The following NCAM2 variants were observed in gnomAD, a reference collection of about 807,000 sequenced individuals.
NCAM2 encodes the protein N-CAM-2.
A neutral mutation model predicts 98.1 loss-of-function variants in NCAM2; 30 were observed. The ratio of observed to expected loss-of-function variants is 0.31; its 90% CI spans 0.23 to 0.41. The LOEUF (loss-of-function observed/expected upper bound fraction) is 0.41. Among genes scored for constraint, NCAM2 ranks in the 10% least tolerant of loss-of-function variants. The pLI is 1.00. For missense variants in NCAM2, 867 were observed against 1,005.8 expected (o/e 0.86, Z 1.87); for synonymous variants, 368 against 342.4 (o/e 1.07, Z -0.83).
Position 21,514,221 on chromosome 21 carries a change from A to C in NCAM2, c.2282+5166A>C, listed in dbSNP as rs150580327. On this transcript the variant is annotated intron_variant, in intron 16 of 17. Transcript: ENST00000400546. Reference sequence around the variant, plus strand: ...CTTTTCTTATTTTTTTAACTGGCAAAATGTTGTCTCTGGGGAGGCTGAGGC... The same window carrying C: ...CTTTTCTTATTTTTTTAACTGGCAACATGTTGTCTCTGGGGAGGCTGAGGC... Among the ~76,000 whole-genome samples the C allele has an allele frequency of 7.5e-3, 1,135 of 151,580 alleles. 4 individuals carry two copies. Among genetic ancestry groups the C allele is most frequent in the Admixed American group, 0.013 (200 of 15,190 alleles).
chr21:21,417,029 A>C (rs2077008559), intron 10 of NCAM2, among the ~76,000 whole-genome samples: 1 of 152,108 alleles, frequency 6.6e-6, no homozygotes, highest in South Asian at 2.1e-4. Context: ...AACAACAACA[A>C]AAAAATGAAT....
intron 14 of NCAM2, among the ~76,000 whole-genome samples, chr21:21,472,024 G>A (rs1157400544): frequency 6.6e-6 from 1 of 151,978 alleles, no homozygotes; most frequent in African/African-American, 2.4e-5. Context: ...AAAAAATCAT[G>A]AAGTTATTTT....
chr21:21,536,637 G>A (rs896005081), intron 17 of NCAM2, among the ~76,000 whole-genome samples: 2 of 151,996 alleles, frequency 1.3e-5, no homozygotes, highest in African/African-American at 4.8e-5. Context: ...TGATCCGCCC[G>A]CCTTGGCCTC....
intron 1 of NCAM2, among the ~76,000 whole-genome samples, chr21:21,068,875 C>T (rs543696656): frequency 1.3e-5 from 2 of 152,190 alleles, no homozygotes; most frequent in East Asian, 3.9e-4. Context: ...TCATACCACC[C>T]ATTATTGCTT....
intron 10 of NCAM2, among the ~76,000 whole-genome samples, chr21:21,415,759 T>G (rs947072652): frequency 2.6e-5 from 4 of 152,316 alleles, no homozygotes; most frequent in Admixed American, 2.0e-4. Flanking sequence ...CCTGCCAGCT[T>G]CAAACTCTTC....
chr21:21,219,359 A>G (rs978702412), intron 1 of NCAM2, among the ~76,000 whole-genome samples: 1 of 152,198 alleles, frequency 6.6e-6, no homozygotes, highest in African/African-American at 2.4e-5. Flanking sequence ...AGTACAACTT[A>G]AATTGTTTCT....
intron 9 of NCAM2, among the ~76,000 whole-genome samples, chr21:21,383,250 C>G (rs2076197536): frequency 6.6e-6 from 1 of 152,108 alleles, no homozygotes. Flanking sequence ...TGACTCAAAC[C>G]TCAAGTGATT....
chr21:21,279,805 G>C (rs1033327284), intron 1 of NCAM2, among the ~76,000 whole-genome samples: 15 of 152,184 alleles, frequency 9.9e-5, no homozygotes, highest in African/African-American at 3.4e-4. Flanking sequence ...ACCTCTTGCA[G>C]CTTTGTCACT....
chr21:21,092,145 T>C (rs2066026480), intron 1 of NCAM2, among the ~76,000 whole-genome samples: 3 of 152,098 alleles, frequency 2.0e-5, no homozygotes, highest in Admixed American at 1.3e-4. Context: ...ATCACAAGGG[T>C]CTGTTTATTG....
At chr21:21,475,969 C>A (rs895530209) in intron 14 of NCAM2, among the ~76,000 whole-genome samples, 2 of 152,110 alleles carry the variant, frequency 1.3e-5, no homozygotes, top group Non-Finnish European at 2.9e-5. Context: ...TTCTTGCCTC[C>A]TTCTGAAGGA....
rs546563282 is a variant in NCAM2, at chr21:21,087,742, G to A, written c.55+89124G>A. ...TTATTGCATAAGGTACTAAGGATGCGTCTCATTTAGATCCTGGTCTTGCAA... is the reference window on the plus strand; with the variant it reads ...TTATTGCATAAGGTACTAAGGATGCATCTCATTTAGATCCTGGTCTTGCAA... On this transcript the variant is annotated intron_variant, in intron 1 of 17. Transcript: ENST00000400546. Among the ~76,000 whole-genome samples, 36 of 152,266 alleles carry A rather than the reference G, an allele frequency of 2.4e-4. No individual in the cohort carries two copies. The South Asian group carries it at 5.6e-3, about 24-fold the overall frequency.
chr21:21,357,023 A>AAATAAATAAATAAATGAATG (rs548233793), intron 8 of NCAM2, among the ~76,000 whole-genome samples: 1 of 146,602 alleles, frequency 6.8e-6, no homozygotes, highest in African/African-American at 2.5e-5. Context: ...ATAAATAAAT[A>AAATAAATAAATAAATGAATG]AATGTTTCTT....
At chr21:21,109,609 T>C (rs1384270474) in intron 1 of NCAM2, among the ~76,000 whole-genome samples, 1 of 152,166 alleles carries the variant, frequency 6.6e-6, no homozygotes. Flanking sequence ...TCCACCAGTT[T>C]TTTCTTTCAT....
chr21:21,045,874 TC>T (rs2064999059), intron 1 of NCAM2, among the ~76,000 whole-genome samples: 2 of 152,208 alleles, frequency 1.3e-5, no homozygotes, highest in Admixed American at 1.3e-4. Context: ...TCAAGACTAT[TC>T]TCTCTGACAT....
intron 10 of NCAM2, among the ~76,000 whole-genome samples, chr21:21,418,126 C>T (rs980284539): frequency 6.6e-6 from 1 of 151,774 alleles, no homozygotes; most frequent in South Asian, 2.1e-4. Flanking sequence ...TAAATATATA[C>T]ACATATATAT....
At chr21:21,200,388 A>C (rs1016822237) in intron 1 of NCAM2, among the ~76,000 whole-genome samples, 1 of 146,838 alleles carries the variant, frequency 6.8e-6, no homozygotes, top group Non-Finnish European at 1.5e-5. Context: ...TGAGAATTCC[A>C]AGTAAGACAA....
In NCAM2 at chr21:21,437,293, A is replaced by C. The variant is rs562597081; in HGVS notation, c.1654+5012A>C. Among the ~76,000 whole-genome samples the C allele has an allele frequency of 4.6e-5, 7 of 152,086 alleles. No homozygotes were observed. In the South Asian group the frequency reaches 1.5e-3, roughly 32 times the overall value. On this transcript the variant is annotated intron_variant, in intron 12 of 17. Transcript: ENST00000400546. ...ATTACCTTGATCAAGAAACCAGAAG[A>C]CTTTACTGTAATTCTTCCACTGGGG... is the stretch of plus-strand genomic sequence containing the variant.
chr21:21,105,103 C>CA (rs1234722479), intron 1 of NCAM2, among the ~76,000 whole-genome samples: 3 of 151,350 alleles, frequency 2.0e-5, no homozygotes, highest in South Asian at 2.1e-4. Flanking sequence ...TTCTGACCCT[C>CA]AAAAAAAATG....
chr21:21,371,828 G>A lies in NCAM2; in HGVS notation c.1045-2035G>A, dbSNP rs188162127. 9.9e-5 allele frequency among the ~76,000 whole-genome samples: 15 copies of A among 151,474 alleles called. No individual in the cohort carries two copies. In the East Asian group the frequency reaches 1.4e-3, roughly 14 times the overall value. ...ATTACAGTTTGCTCAGCACTGCATCGCAGTGCCTGGTTGCTTATTGTAAAA... is the reference window on the plus strand; with the variant it reads ...ATTACAGTTTGCTCAGCACTGCATCACAGTGCCTGGTTGCTTATTGTAAAA... On this transcript the variant is annotated intron_variant, in intron 8 of 17. Coordinates refer to ENST00000400546, the MANE Select transcript of NCAM2 (RefSeq NM_004540.5).
Sources: allele counts gnomAD v4.1 joint callset (sites outside exome capture counted in the v4.1 genomes callset), GRCh38; gene constraint gnomAD v4.1.1; transcripts MANE v1.5; gene names NCBI Gene and HGNC (gene_info 2026-07-23, HGNC 2026-07-21).